Variants in DSCAML1 observed in about 807,000 individuals in gnomAD.
The protein encoded by DSCAML1 is DS cell adhesion molecule like 1.
DSCAML1 carries 38 observed loss-of-function variants against 200.5 expected under a neutral mutation model. That is an observed-to-expected ratio of 0.19 (90% CI 0.15 to 0.25). The LOEUF (loss-of-function observed/expected upper bound fraction) is 0.25. DSCAML1 is among the 10% of genes least tolerant of loss of function. DSCAML1 has a pLI of 1.00. For missense variants in DSCAML1, 2,223 were observed against 2,858.8 expected (o/e 0.78, Z 5.07); for synonymous variants, 1,215 against 1,165.0 (o/e 1.04, Z -0.87).
At chr11:117,533,210 C>T (rs1469482473) in intron 3 of DSCAML1, among the ~76,000 whole-genome samples, 2 of 152,152 alleles carry the variant, frequency 1.3e-5, no homozygotes, top group African/African-American at 4.8e-5. Context: ...AATATTAGTT[C>T]TCATCTTTCC....
intron 3 of DSCAML1, among the ~76,000 whole-genome samples, chr11:117,612,702 G>A (rs1383893455): frequency 2.9e-4 from 44 of 152,180 alleles, no homozygotes; most frequent in Admixed American, 2.7e-3. Flanking sequence ...CAGAAGCCTG[G>A]TGTGCCCAGG....
chr11:117,670,536 G>A (rs908740941), intron 3 of DSCAML1, among the ~76,000 whole-genome samples: 3 of 152,108 alleles, frequency 2.0e-5, no homozygotes, highest in African/African-American at 4.8e-5. Context: ...TTTGAAACAA[G>A]GGAATGACAG....
rs2048940182 is a variant in DSCAML1 at position 117,482,169 on chromosome 11, G to A, written c.2360-7C>T. On this transcript the variant is annotated splice_region_variant and splice_polypyrimidine_tract_variant and intron_variant, in intron 11 of 32. Transcript: ENST00000651296. ...GAAGTGATCATGGCCGGGACTGGGG[G>A]GCGGAGGCAGAGAAGGCCCAGTGAA... 1 of 1,613,932 alleles carries A rather than the reference G, an allele frequency of 6.2e-7. No individual in the cohort carries two copies. Among genetic ancestry groups the A allele is most frequent in the Non-Finnish European group, 8.5e-7 (1 of 1,179,930 alleles).
intron 3 of DSCAML1, among the ~76,000 whole-genome samples, chr11:117,630,349 A>C (rs1030746494): frequency 1.3e-5 from 2 of 152,112 alleles, no homozygotes; most frequent in Non-Finnish European, 2.9e-5. Flanking sequence ...GGCCCAACAC[A>C]CACAACACAC....
At chr11:117,572,590 C>G (rs1316488142) in intron 3 of DSCAML1, among the ~76,000 whole-genome samples, 1 of 152,168 alleles carries the variant, frequency 6.6e-6, no homozygotes, top group Non-Finnish European at 1.5e-5. Context: ...AAGCTAGAAC[C>G]CATGGTGGGC....
At chr11:117,434,779 A>G (rs182533491) in intron 27 of DSCAML1, among the ~76,000 whole-genome samples, 77 of 151,394 alleles carry the variant, frequency 5.1e-4, no homozygotes, top group African/African-American at 1.8e-3. Flanking sequence ...TAGTCATTCA[A>G]TTATCCACCC....
intron 11 of DSCAML1, among the ~76,000 whole-genome samples, chr11:117,491,782 CAAAA>C (rs1417233946): frequency 3.9e-5 from 6 of 151,926 alleles, no homozygotes; most frequent in Non-Finnish European, 5.9e-5. Context: ...TCAATAAAAA[CAAAA>C]AACAAAAAAC....
intron 3 of DSCAML1, among the ~76,000 whole-genome samples, chr11:117,578,235 CGAAAAAAA>C (rs2050982991): frequency 5.5e-5 from 1 of 18,294 alleles, no homozygotes; most frequent in Non-Finnish European, 1.1e-4. Context: ...AACTCTGTCT[CGAAAAAAA>C]AAAAAAAAAA....
chr11:117,728,313 C>T (rs915995339), intron 3 of DSCAML1, among the ~76,000 whole-genome samples: 1 of 152,188 alleles, frequency 6.6e-6, no homozygotes, highest in African/African-American at 2.4e-5. Flanking sequence ...TGATAAACCT[C>T]TAGCTAACAT....
chr11:117,639,158 G>C (rs1048579179), intron 3 of DSCAML1, among the ~76,000 whole-genome samples: 5 of 152,142 alleles, frequency 3.3e-5, no homozygotes, highest in African/African-American at 1.2e-4. Context: ...CATCCCAAGT[G>C]TGCAAACAAA....
intron 3 of DSCAML1, among the ~76,000 whole-genome samples, chr11:117,566,736 A>T (rs1485665550): frequency 2.9e-5 from 3 of 104,000 alleles, no homozygotes; most frequent in Admixed American, 2.3e-4. Flanking sequence ...CACTCCCCCT[A>T]CCCCACAACA....
At chr11:117,521,484 A>T in intron 5 of DSCAML1, 79 bp from the exon 6 acceptor site, 1 of 1,473,820 alleles carries the variant, frequency 6.8e-7, no homozygotes, top group Non-Finnish European at 9.2e-7. Flanking sequence ...AGTGGAGTGT[A>T]GCTGGGGGTA....
chr11:117,790,754 A>C (rs1270271100), intron 1 of DSCAML1, among the ~76,000 whole-genome samples: 1 of 152,198 alleles, frequency 6.6e-6, no homozygotes, highest in Non-Finnish European at 1.5e-5. Flanking sequence ...AATTTTGCCC[A>C]TTTTACAGAT....
At chr11:117,579,803 C>A (rs568652264) in intron 3 of DSCAML1, among the ~76,000 whole-genome samples, 1 of 152,258 alleles carries the variant, frequency 6.6e-6, no homozygotes, top group Non-Finnish European at 1.5e-5. Context: ...AAATATTTAT[C>A]AAATAAATAA....
intron 1 of DSCAML1, among the ~76,000 whole-genome samples, chr11:117,788,562 A>G (rs1751356090): frequency 6.6e-6 from 1 of 152,140 alleles, no homozygotes; most frequent in African/African-American, 2.4e-5. Context: ...CCTGACCTCA[A>G]GTGATCCGCC....
rs75146712 is a variant in DSCAML1 at position 117,771,649 on chromosome 11, G to T, written c.511+5142C>A. Among the ~76,000 whole-genome samples the T allele has an allele frequency of 3.2e-3, 487 of 152,284 alleles. 4 individuals carry two copies. Among genetic ancestry groups the T allele is most frequent in the African/African-American group, 0.011 (472 of 41,536 alleles). On this transcript the variant is annotated intron_variant, in intron 3 of 32. Coordinates refer to ENST00000651296, the MANE Select transcript of DSCAML1 (RefSeq NM_020693.4). ...AGAGGCGGCGGGAAGTAGAGGAACC[G>T]GAAGACCGGCTCACATCCGGGCCAC...
intron 1 of DSCAML1, among the ~76,000 whole-genome samples, chr11:117,814,633 G>C (rs1017842270): frequency 1.3e-5 from 2 of 152,222 alleles, no homozygotes; most frequent in Non-Finnish European, 2.9e-5. Context: ...GGGATCGGTG[G>C]GTGAACTTTC....
rs185254823 is a variant in DSCAML1 at position 117,653,688 on chromosome 11, G to A, written c.512-121166C>T. Among the ~76,000 whole-genome samples the A allele has an allele frequency of 2.6e-3, 393 of 152,196 alleles. 2 individuals are homozygous for A. Among genetic ancestry groups the A allele is most frequent in the Admixed American group, 4.8e-3 (73 of 15,286 alleles). On this transcript the variant is annotated intron_variant, in intron 3 of 32. Transcript: ENST00000651296. ...CAACGTGGAATCACCATACGACCCA[G>A]CCATTCTACTCCTAGGCATATATCC...
At chr11:117,482,555 G>C (rs183884342) in intron 11 of DSCAML1, among the ~76,000 whole-genome samples, 116 of 152,252 alleles carry the variant, frequency 7.6e-4, no homozygotes, top group African/African-American at 2.6e-3. Context: ...TACAAAATAA[G>C]ATCCAGTGGT....
Sources: gnomAD v4.1 joint callset for allele counts (sites outside exome capture counted in the v4.1 genomes callset) on GRCh38, gnomAD v4.1.1 for gene constraint, MANE v1.5 for transcripts, NCBI Gene and HGNC (gene_info 2026-07-23, HGNC 2026-07-21) for gene names.